DCC: variants seen among roughly 807,000 people sequenced by gnomAD.
DCC encodes the protein netrin receptor DCC.
In DCC, 58 loss-of-function variants were observed where a neutral mutation model predicts 172.5. The ratio of observed to expected loss-of-function variants is 0.34; its 90% CI spans 0.27 to 0.42. The LOEUF (loss-of-function observed/expected upper bound fraction) is 0.42. DCC is among the 10% of genes least tolerant of loss of function. The probability of loss-of-function intolerance (pLI) is 1.00; values close to 1 mark genes in which losing one functional copy is unlikely to be tolerated. For missense variants in DCC, 1,740 were observed against 1,791.0 expected (o/e 0.97, Z 0.51); for synonymous variants, 709 against 644.5 (o/e 1.10, Z -1.52).
intron 2 of DCC, among the ~76,000 whole-genome samples, chr18:52,826,198 A>G (rs1182974486): frequency 6.6e-6 from 1 of 152,190 alleles, no homozygotes; most frequent in African/African-American, 2.4e-5. Flanking sequence ...AATAGCATAC[A>G]ATATTCCCTC....
At chr18:53,364,797 T>A (rs2057984480) in intron 15 of DCC, among the ~76,000 whole-genome samples, 1 of 152,160 alleles carries the variant, frequency 6.6e-6, no homozygotes, top group African/African-American at 2.4e-5. Flanking sequence ...AGACATCATC[T>A]TGGGGCTTGT....
chr18:53,110,225 G>A (rs577498491), intron 7 of DCC, among the ~76,000 whole-genome samples: 1 of 151,732 alleles, frequency 6.6e-6, no homozygotes. Flanking sequence ...CAGTTTTTCA[G>A]CTGAATAAAC....
intron 13 of DCC, among the ~76,000 whole-genome samples, chr18:53,309,756 C>T (rs185871522): frequency 2.2e-4 from 33 of 152,056 alleles, no homozygotes; most frequent in African/African-American, 6.7e-4. Flanking sequence ...TGCCCATTTG[C>T]ATCTTCATAG....
At position 52,381,364 on chromosome 18, in the gene DCC, T is replaced by C. The variant is rs148565921; in HGVS notation, c.91+40486T>C. ...ATCTAAGGGTGGAATCTTGTTATGC[T>C]GAAAGAAAACCTTATCAAATAATAC... On this transcript the variant is annotated intron_variant, in intron 1 of 28. Transcript: ENST00000442544. 1.5e-3 allele frequency among the ~76,000 whole-genome samples: 227 copies of C among 152,272 alleles called. 1 individual carries two copies. The highest frequency in any genetic ancestry group is 5.2e-3 in the African/African-American group (218 of 41,562).
intron 5 of DCC, among the ~76,000 whole-genome samples, chr18:53,041,600 TG>T (rs2042169614): frequency 6.6e-6 from 1 of 152,130 alleles, no homozygotes; most frequent in Non-Finnish European, 1.5e-5. Context: ...GTAATTACTT[TG>T]GGCAGTATGG....
chr18:52,966,038 C>G (rs778616122), intron 5 of DCC, among the ~76,000 whole-genome samples: 23 of 152,184 alleles, frequency 1.5e-4, no homozygotes, highest in African/African-American at 1.9e-4. Context: ...AGAAGTGCTT[C>G]TCTCCATTGC....
At chr18:52,569,432 T>C (rs962845771) in intron 1 of DCC, among the ~76,000 whole-genome samples, 1 of 152,214 alleles carries the variant, frequency 6.6e-6, no homozygotes, top group Non-Finnish European at 1.5e-5. Context: ...CAATAAATCT[T>C]AGCTATCTTT....
chr18:52,862,954 CTT>C (rs2039167203), intron 2 of DCC, among the ~76,000 whole-genome samples: 1 of 151,982 alleles, frequency 6.6e-6, no homozygotes, highest in East Asian at 1.9e-4. Flanking sequence ...TAAATTCTAC[CTT>C]TCCATCAGTA....
At chr18:53,038,159 G>C (rs1157891179) in intron 5 of DCC, among the ~76,000 whole-genome samples, 1 of 151,940 alleles carries the variant, frequency 6.6e-6, no homozygotes, top group Admixed American at 6.6e-5. Context: ...CATTAAGCTA[G>C]GTTCCAGAGA....
At position 53,391,814 on chromosome 18, in the gene DCC, A is replaced by C. The variant is rs1169532437; in HGVS notation, c.2615A>C (p.Asn872Thr). 1 of 1,614,122 alleles carries C rather than the reference A, an allele frequency of 6.2e-7. No individual in the cohort carries two copies. The highest frequency in any genetic ancestry group is 1.7e-5 in the Admixed American group (1 of 60,026). Residue 872 changes from asparagine to threonine, a missense_variant, in exon 17 of 29, where the codon AAC becomes ACC. Coordinates refer to ENST00000442544, the MANE Select transcript of DCC (RefSeq NM_005215.4). ...VSWADNSVPKNQKTSEVRLYT... is the reference protein window; with the variant it reads ...VSWADNSVPKTQKTSEVRLYT... ...TGGGCAGACAACTCTGTCCCTAAGAACCAAAAGACGTCTGAGGTGCGACTT... is the reference window on the plus strand; with the variant it reads ...TGGGCAGACAACTCTGTCCCTAAGACCCAAAAGACGTCTGAGGTGCGACTT...
intron 1 of DCC, among the ~76,000 whole-genome samples, chr18:52,513,394 A>G (rs924623410): frequency 6.9e-6 from 1 of 144,906 alleles, no homozygotes; most frequent in Non-Finnish European, 1.5e-5. Flanking sequence ...CTGTAAAACA[A>G]AGTTAATACT....
intron 1 of DCC, among the ~76,000 whole-genome samples, chr18:52,544,692 G>C (rs2032562936): frequency 6.6e-6 from 1 of 152,110 alleles, no homozygotes; most frequent in Non-Finnish European, 1.5e-5. Context: ...TAAGTCTACA[G>C]TATCATCTGG....
intron 7 of DCC, among the ~76,000 whole-genome samples, chr18:53,072,434 T>G (rs2042667104): frequency 6.6e-6 from 1 of 152,182 alleles, no homozygotes; most frequent in Non-Finnish European, 1.5e-5. Context: ...CTGAGTTTCT[T>G]ATCCTGGTTC....
chr18:53,450,154 T>A (rs77307769), intron 22 of DCC, among the ~76,000 whole-genome samples: 4,317 of 145,184 alleles, frequency 0.03, 227 homozygotes, highest in African/African-American at 0.11. Flanking sequence ...CACACACACA[T>A]ACACACATAC....
intron 14 of DCC, among the ~76,000 whole-genome samples, chr18:53,328,696 G>A (rs1413320131): frequency 1.3e-5 from 2 of 152,010 alleles, no homozygotes; most frequent in African/African-American, 4.8e-5. Flanking sequence ...CACCATGCTT[G>A]GCTAATTTTT....
At chr18:52,956,263 T>C (rs191985051) in intron 5 of DCC, among the ~76,000 whole-genome samples, 158 of 151,500 alleles carry the variant, frequency 1.0e-3, no homozygotes, top group African/African-American at 3.2e-3. Flanking sequence ...TGTGTCTAGA[T>C]TTTTTTTTAC....
At chr18:53,191,946 G>C (rs180836160) in intron 9 of DCC, among the ~76,000 whole-genome samples, 257 of 152,266 alleles carry the variant, frequency 1.7e-3, no homozygotes, top group African/African-American at 5.9e-3. Context: ...TCATTCTCCA[G>C]CTTCTGTGAG....
chr18:53,430,613 C>T (rs546093089), intron 21 of DCC, among the ~76,000 whole-genome samples: 13 of 152,172 alleles, frequency 8.5e-5, no homozygotes, highest in East Asian at 1.9e-4. Context: ...TCATTTTATA[C>T]GTACACCACA....
intron 25 of DCC, among the ~76,000 whole-genome samples, chr18:53,471,272 C>T (rs922168405): frequency 6.6e-6 from 1 of 152,126 alleles, no homozygotes; most frequent in African/African-American, 2.4e-5. Context: ...ATATGGTATC[C>T]ATCCACGCAA....
Sources: gnomAD v4.1 joint callset for allele counts (sites outside exome capture counted in the v4.1 genomes callset) on GRCh38, gnomAD v4.1.1 for gene constraint, MANE v1.5 for transcripts, NCBI Gene and HGNC (gene_info 2026-07-23, HGNC 2026-07-21) for gene names.